Variants in THSD7B observed in about 807,000 individuals in gnomAD.
THSD7B encodes thrombospondin type-1 domain-containing protein 7B.
A neutral mutation model predicts 213.6 loss-of-function variants in THSD7B; 138 were observed. That is an observed-to-expected ratio of 0.65 (90% CI 0.56 to 0.74). THSD7B has a LOEUF of 0.74. THSD7B is among the 30% of genes least tolerant of loss of function. THSD7B has a pLI of 0.00. For missense variants in THSD7B, 1,931 were observed against 1,991.5 expected, an observed-to-expected ratio of 0.97 and a Z score of 0.58; for synonymous variants, 742 against 687.0, an observed-to-expected ratio of 1.08 and a Z score of -1.25.
chr2:137,651,238 T>C (rs1683131665), intron 21 of THSD7B, among the ~76,000 whole-genome samples: 1 of 152,102 alleles, frequency 6.6e-6, no homozygotes, highest in Non-Finnish European at 1.5e-5. Flanking sequence ...TAAGTACAGC[T>C]TCAGTTTTCT....
intron 2 of THSD7B, among the ~76,000 whole-genome samples, chr2:137,043,538 C>A (rs936854394): frequency 6.6e-6 from 1 of 152,044 alleles, no homozygotes; most frequent in African/African-American, 2.4e-5. Context: ...AGTTTTGCTC[C>A]GAGGAGGAGA....
intron 17 of THSD7B, among the ~76,000 whole-genome samples, chr2:137,585,292 C>A (rs192266258): frequency 6.6e-6 from 1 of 152,076 alleles, no homozygotes; most frequent in East Asian, 1.9e-4. Context: ...AAAAAACCAG[C>A]TCCTGGATTT....
intron 12 of THSD7B, among the ~76,000 whole-genome samples, chr2:137,375,704 T>C (rs2104956591): frequency 6.6e-6 from 1 of 152,286 alleles, no homozygotes; most frequent in Non-Finnish European, 1.5e-5. Flanking sequence ...GACAAATTTG[T>C]TTTTTATAAA....
chr2:137,232,824 C>A, intron 8 of THSD7B, 75 bp from the exon 9 acceptor site: 2 of 1,375,466 alleles, frequency 1.5e-6, no homozygotes, highest in Non-Finnish European at 2.0e-6. Context: ...TCTCTCTAGA[C>A]CATTAAAGCA....
intron 2 of THSD7B, among the ~76,000 whole-genome samples, chr2:136,902,254 CTAAAT>C (rs1265662729): frequency 6.6e-6 from 1 of 152,150 alleles, no homozygotes; most frequent in African/African-American, 2.4e-5. Flanking sequence ...TTTAGGATGA[CTAAAT>C]TAGCAGTCTG....
intron 12 of THSD7B, among the ~76,000 whole-genome samples, chr2:137,399,812 TCCC>T (rs1408092817): frequency 1.3e-5 from 2 of 152,142 alleles, no homozygotes; most frequent in African/African-American, 2.4e-5. Flanking sequence ...ATTTTTCTTC[TCCC>T]TCAGAAATAC....
At chr2:137,431,219 A>C (rs892570787) in intron 14 of THSD7B, among the ~76,000 whole-genome samples, 2 of 152,162 alleles carry the variant, frequency 1.3e-5, no homozygotes, top group Admixed American at 6.5e-5. Flanking sequence ...AACTCAAAGC[A>C]GGGGGAGGGG....
At chr2:137,575,682 T>C (rs995101494) in intron 17 of THSD7B, among the ~76,000 whole-genome samples, 14 of 150,450 alleles carry the variant, frequency 9.3e-5, no homozygotes, top group Admixed American at 8.0e-4. Flanking sequence ...ACTATTTGTT[T>C]CCTTTGTTTT....
chr2:137,213,905 A>C lies in THSD7B; in HGVS notation c.1724-17139A>C, dbSNP rs574591722. Among the ~76,000 whole-genome samples the C allele has an allele frequency of 3.1e-4, 47 of 151,972 alleles. No individual in the cohort carries two copies. The Middle Eastern group carries it at 0.01, about 33-fold the overall frequency. On this transcript the variant is annotated intron_variant, in intron 7 of 27. Transcript: ENST00000409968. Reference sequence around the variant, plus strand: ...GTTTCGTTAGCCCCATAATGATATGACTCTCTATCTTATAAGCTTGACATT... The same window carrying C: ...GTTTCGTTAGCCCCATAATGATATGCCTCTCTATCTTATAAGCTTGACATT...
chr2:136,784,934 A>T (rs973692974), intron 1 of THSD7B, among the ~76,000 whole-genome samples: 1 of 152,192 alleles, frequency 6.6e-6, no homozygotes, highest in East Asian at 1.9e-4. Context: ...TCATAATGCC[A>T]TTCAGCCTAA....
Position 137,111,290 on chromosome 2 carries a change from T to G in THSD7B, c.1200-3834T>G, listed in dbSNP as rs190877273. On this transcript the variant is annotated intron_variant, in intron 4 of 27. Coordinates refer to ENST00000409968, the MANE Select transcript of THSD7B (RefSeq NM_001316349.2). Reference sequence around the variant, plus strand: ...CACTTCCTCGGACCAAGATCAACATTCACTTGTCCTTGTAATGGCTAGACA... The same window carrying G: ...CACTTCCTCGGACCAAGATCAACATGCACTTGTCCTTGTAATGGCTAGACA... 2.3e-4 allele frequency among the ~76,000 whole-genome samples: 35 copies of G among 152,316 alleles called. No homozygotes were observed. The East Asian group carries it at 6.0e-3, about 26-fold the overall frequency.
intron 17 of THSD7B, among the ~76,000 whole-genome samples, chr2:137,576,244 A>G (rs964913838): frequency 1.3e-5 from 2 of 152,128 alleles, no homozygotes; most frequent in Admixed American, 1.3e-4. Context: ...TTGATAGGAC[A>G]AGTGTATTGG....
chr2:136,837,660 A>G (rs955430017), intron 1 of THSD7B, among the ~76,000 whole-genome samples: 1 of 152,210 alleles, frequency 6.6e-6, no homozygotes. Context: ...TGGACGTGGC[A>G]TTGTGTGTGT....
chr2:137,323,508 G>A (rs868540218), intron 12 of THSD7B, among the ~76,000 whole-genome samples: 21 of 152,140 alleles, frequency 1.4e-4, no homozygotes, highest in African/African-American at 5.1e-4. Context: ...AATAAATTAT[G>A]TGTCTACTCT....
intron 2 of THSD7B, among the ~76,000 whole-genome samples, chr2:137,049,915 A>T (rs1687038580): frequency 6.6e-6 from 1 of 152,154 alleles, no homozygotes; most frequent in East Asian, 1.9e-4. Context: ...TGGAGCCCTT[A>T]TTCTTCCCTT....
chr2:137,399,006 C>A (rs1325623759), intron 12 of THSD7B, among the ~76,000 whole-genome samples: 2 of 152,146 alleles, frequency 1.3e-5, no homozygotes, highest in Non-Finnish European at 2.9e-5. Context: ...TGAGGCAATG[C>A]CTCGCCCTGC....
chr2:137,324,709 A>C (rs529031778), intron 12 of THSD7B, among the ~76,000 whole-genome samples: 1 of 152,322 alleles, frequency 6.6e-6, no homozygotes, highest in East Asian at 1.9e-4. Flanking sequence ...GAGAAATAAA[A>C]GTTTAAAAAA....
At chr2:137,449,261 A>C (rs1417511628) in intron 14 of THSD7B, among the ~76,000 whole-genome samples, 1 of 152,184 alleles carries the variant, frequency 6.6e-6, no homozygotes, top group Non-Finnish European at 1.5e-5. Flanking sequence ...ATTTGTTTTA[A>C]TATAAGGATT....
At chr2:137,401,651 T>C (rs1176578148) in intron 12 of THSD7B, among the ~76,000 whole-genome samples, 13 of 146,600 alleles carry the variant, frequency 8.9e-5, no homozygotes, top group East Asian at 3.9e-4. Flanking sequence ...TTTTTTTTTT[T>C]CTTCAACTCT....
Sources: allele counts gnomAD v4.1 joint callset (sites outside exome capture counted in the v4.1 genomes callset), GRCh38; gene constraint gnomAD v4.1.1; transcripts MANE v1.5; gene names NCBI Gene and HGNC (gene_info 2026-07-23, HGNC 2026-07-21).